The following GPAM variants were observed in gnomAD, a reference collection of about 807,000 sequenced individuals.
GPAM encodes the protein glycerol-3-phosphate acyltransferase, mitochondrial.
GPAM carries 56 observed loss-of-function variants against 105.0 expected under a neutral mutation model. The ratio of observed to expected loss-of-function variants is 0.53; its 90% CI spans 0.43 to 0.67. The LOEUF is 0.67. Among genes scored for constraint, GPAM ranks in the 30% least tolerant of loss-of-function variants. The pLI is 0.00. For synonymous variants in GPAM, 368 were observed against 354.4 expected, an observed-to-expected ratio of 1.04 and a Z score of -0.43; for missense variants, 855 against 989.8, an observed-to-expected ratio of 0.86 and a Z score of 1.83.
At chr10:112,197,120 G>C (rs1437182050) in intron 1 of GPAM, among the ~76,000 whole-genome samples, 3 of 152,070 alleles carry the variant, frequency 2.0e-5, no homozygotes, top group African/African-American at 7.2e-5. Context: ...TAAATTTCTA[G>C]GTCACCTGCT....
intron 1 of GPAM, among the ~76,000 whole-genome samples, chr10:112,207,238 C>A (rs1847862434): frequency 6.6e-6 from 1 of 152,192 alleles, no homozygotes; most frequent in African/African-American, 2.4e-5. Context: ...ACGGGACAGT[C>A]CCCACACGAA....
intron 5 of GPAM, 91 bp downstream of exon 5, chr10:112,177,893 A>G: frequency 1.4e-6 from 1 of 730,512 alleles, no homozygotes; most frequent in Non-Finnish European, 2.5e-6. Context: ...ACTCTCAGTA[A>G]TGCAAAGCAA....
chr10:112,163,687 G>C lies in GPAM; in HGVS notation c.1423+14C>G, dbSNP rs781070298. 9.2e-7 allele frequency: 1 copy of C among 1,091,940 alleles called. No homozygotes were observed. The highest frequency in any genetic ancestry group is 1.4e-6 in the Non-Finnish European group (1 of 702,876). The allele number at this position is 1,091,940 out of a possible 1,614,324, so 67.6% of individuals were successfully genotyped here. A position where few individuals can be genotyped will look rare whatever the true frequency, so the allele number is the denominator to read the frequency against. On this transcript the variant is annotated intron_variant, in intron 14 of 21. Coordinates refer to ENST00000348367, the MANE Select transcript of GPAM (RefSeq NM_001244949.2). ...TCTAAATTGTAGAATTAAAGAGTCT[G>C]GTATTCTACTTACTGAATAGAATAT...
chr10:112,172,050 A>G (rs1167848970), intron 9 of GPAM, 132 bp downstream of exon 9: 1 of 696,704 alleles, frequency 1.4e-6, no homozygotes, highest in Non-Finnish European at 2.5e-6. Flanking sequence ...ATAACTATGT[A>G]TCACTTTTAT....
In GPAM at chr10:112,153,397, C is replaced by T. The variant is rs1273603351; in HGVS notation, c.*153G>A. On this transcript the variant is annotated 3_prime_UTR_variant, in exon 22 of 22. Transcript: ENST00000348367. ...ATGCAGAGCTGGGAAGATCACAGAT[C>T]CATGGAGGGAGAAGGCACTTGTCTT... 6.3e-7 allele frequency: 1 copy of T among 1,578,912 alleles called. No homozygotes were observed. The highest frequency in any genetic ancestry group is 8.6e-7 in the Non-Finnish European group (1 of 1,168,464).
chr10:112,213,685 A>T (rs185988670), intron 1 of GPAM, among the ~76,000 whole-genome samples: 165 of 152,286 alleles, frequency 1.1e-3, no homozygotes, highest in African/African-American at 3.5e-3. Flanking sequence ...TAATCTCCTG[A>T]CTTGGTCAGA....
Position 112,164,616 on chromosome 10 carries a change from G to GA in GPAM, c.1222-7dup, listed in dbSNP as rs148611005. The GA allele has an allele frequency of 3.7e-3, 5,560 of 1,496,412 alleles. 189 individuals are homozygous for GA. The African/African-American group carries it at 0.067, about 18-fold the overall frequency. The allele number at this position is 1,496,412 out of a possible 1,614,324, so 92.7% of individuals were successfully genotyped here. The stretch of plus-strand genomic sequence containing the variant: ...CTTTGGCTTTCTAAATATTCCTGGA[G>GA]AAAAAAACACAACATGATCATTTAC... On this transcript the variant is annotated splice_polypyrimidine_tract_variant and splice_region_variant and intron_variant, in intron 12 of 21. Coordinates refer to ENST00000348367, the MANE Select transcript of GPAM (RefSeq NM_001244949.2).
In GPAM at chr10:112,172,953, T is replaced by G; in HGVS notation, c.657+17A>C. On this transcript the variant is annotated intron_variant, in intron 8 of 21. Coordinates refer to ENST00000348367, the MANE Select transcript of GPAM (RefSeq NM_001244949.2). ...ATTGAGGGGAAAATGGGGTAATAGA[T>G]TCACAGAAATTCTTGCCTCAGTTGC... The G allele has an allele frequency of 7.5e-7, 1 of 1,337,962 alleles. No individual in the cohort carries two copies. Among genetic ancestry groups the G allele is most frequent in the Non-Finnish European group, 1.1e-6 (1 of 927,616 alleles). 82.9% of individuals were successfully genotyped at this position (1,337,962 alleles called of 1,614,324 possible).
intron 1 of GPAM, among the ~76,000 whole-genome samples, chr10:112,194,429 T>C (rs1310109272): frequency 6.6e-6 from 1 of 152,234 alleles, no homozygotes; most frequent in Non-Finnish European, 1.5e-5. Context: ...TAAAATTGCA[T>C]CTCTGCGGAC....
chr10:112,197,164 G>C (rs1176064239), intron 1 of GPAM, among the ~76,000 whole-genome samples: 1 of 152,128 alleles, frequency 6.6e-6, no homozygotes, highest in East Asian at 1.9e-4. Flanking sequence ...TCTAGGTAAA[G>C]AATGAATTAT....
Position 112,180,577 on chromosome 10 carries a change from G to A in GPAM, c.121C>T (p.Pro41Ser), listed in dbSNP as rs531541971. The change falls in exon 4 of 22, where the codon CCC becomes TCC. Residue 41 changes from proline to serine, a missense_variant. Pro to Ser is a moderately conservative substitution (Grantham distance 74). Coordinates refer to ENST00000348367, the MANE Select transcript of GPAM (RefSeq NM_001244949.2). ...SEEWGECGFR[P>S]TIFRSATLKW... ...AAAGTTGCAGATCTGAAGATGGTGG[G>A]TCTAAAGCCACACTCACCCTGACAA... 43 of 1,609,872 alleles carry A rather than the reference G, an allele frequency of 2.7e-5. No individual in the cohort carries two copies. In the South Asian group the frequency reaches 3.8e-4, roughly 14 times the overall value.
In GPAM at chr10:112,150,975, A is replaced by C; in HGVS notation, c.*2575T>G. On this transcript the variant is annotated 3_prime_UTR_variant, in exon 22 of 22. Coordinates refer to ENST00000348367, the MANE Select transcript of GPAM (RefSeq NM_001244949.2). ...AAGACTCGAAGCCATCTCAGTTAAC[A>C]GTTCTACACATTTCCCACTAGTTTT... 1 of 985,172 alleles carries C rather than the reference A, an allele frequency of 1.0e-6. No individual in the cohort carries two copies. The highest frequency in any genetic ancestry group is 1.7e-5 in the African/African-American group (1 of 57,356). The allele number at this position is 985,172 out of a possible 1,614,324, so 61.0% of individuals were successfully genotyped here.
intron 5 of GPAM, among the ~76,000 whole-genome samples, chr10:112,177,046 A>C (rs911563494): frequency 3.3e-5 from 5 of 152,184 alleles, no homozygotes; most frequent in African/African-American, 9.6e-5. Flanking sequence ...TATCAAAAAA[A>C]ATTCAACGGA....
intron 1 of GPAM, among the ~76,000 whole-genome samples, chr10:112,191,582 T>C (rs1847659262): frequency 6.6e-6 from 1 of 152,216 alleles, no homozygotes; most frequent in Non-Finnish European, 1.5e-5. Context: ...ATAGCCAGGC[T>C]CTGTGGTTTA....
At position 112,178,004 on chromosome 10, in the gene GPAM, A is replaced by T. The variant is rs764968440; in HGVS notation, c.279T>A (p.Tyr93Ter). ...TTTACCTTGTGTGAGTTTCATTGAT[A>T]TAAATAACATTCCGCAAACCCAAAG... ...IPSLGLRNVI[Y>*]INETHTRHRG... Residue 93 changes from tyrosine to a stop codon, truncating the protein, a stop_gained, in exon 5 of 22, where the codon TAT becomes TAA. Coordinates refer to ENST00000348367, the MANE Select transcript of GPAM (RefSeq NM_001244949.2). LOFTEE classifies it high-confidence loss of function. The T allele has an allele frequency of 6.3e-6, 10 of 1,594,504 alleles. No homozygotes were observed. Among genetic ancestry groups the T allele is most frequent in the Non-Finnish European group, 2.6e-6 (3 of 1,162,602 alleles).
At chr10:112,201,737 AT>A (rs200675599) in intron 1 of GPAM, among the ~76,000 whole-genome samples, 6 of 151,404 alleles carry the variant, frequency 4.0e-5, no homozygotes, top group Non-Finnish European at 7.4e-5. Context: ...TAACCTGTTG[AT>A]TTTTTTTTCT....
In GPAM at chr10:112,150,374, C is replaced by T; in HGVS notation, c.*3176G>A. The T allele has an allele frequency of 1.0e-6, 1 of 985,582 alleles. No homozygotes were observed. Among genetic ancestry groups the T allele is most frequent in the Non-Finnish European group, 1.2e-6 (1 of 829,682 alleles). The allele number at this position is 985,582 out of a possible 1,614,324, so 61.1% of individuals were successfully genotyped here. A position where few individuals can be genotyped will look rare whatever the true frequency, so the allele number is the denominator to read the frequency against. On this transcript the variant is annotated 3_prime_UTR_variant, in exon 22 of 22. Transcript: ENST00000348367. The stretch of plus-strand genomic sequence containing the variant: ...ATTCTGATACGTTCAGTGAAAAAGC[C>T]AGGATCATTGGGGCTGTTCTCTCTA...
intron 1 of GPAM, among the ~76,000 whole-genome samples, chr10:112,208,760 C>T (rs750669213): frequency 6.6e-6 from 1 of 152,150 alleles, no homozygotes; most frequent in Non-Finnish European, 1.5e-5. Flanking sequence ...TTAAATTAAA[C>T]ATAAATTGCC....
rs745485271 is a variant in GPAM, at chr10:112,160,011, C to T, written c.1802G>A (p.Gly601Asp). 1.9e-6 allele frequency: 3 copies of T among 1,612,048 alleles called. No individual in the cohort carries two copies. The highest frequency in any genetic ancestry group is 2.7e-5 in the African/African-American group (2 of 74,838). ...CAGGTTAGGTGGGGTGCTAGTGGGA[C>T]CCCCCAGTCCCCTCTTGTTCAGAAC... ...YAVLNKRGLG[G>D]PTSTPPNLIS... The change falls in exon 17 of 22, where the codon GGT becomes GAT. Residue 601 changes from glycine (G) to aspartate (D), a missense_variant. Transcript: ENST00000348367.
Sources: allele counts gnomAD v4.1 joint callset (sites outside exome capture counted in the v4.1 genomes callset), GRCh38; gene constraint gnomAD v4.1.1; transcripts MANE v1.5; gene names NCBI Gene and HGNC (gene_info 2026-07-23, HGNC 2026-07-21).